GABRP: variants seen among roughly 807,000 people sequenced by gnomAD.
GABRP encodes gamma-aminobutyric acid type A receptor subunit pi.
In GABRP, 52 loss-of-function variants were observed where a neutral mutation model predicts 47.8. The observed-to-expected ratio is 1.09, with a 90% CI of 0.87 to 1.37. GABRP has a LOEUF of 1.37. Ranked by LOEUF, GABRP falls within the 40% of genes most tolerant of loss-of-function variation. GABRP has a pLI of 0.00. For missense variants in GABRP, 525 were observed against 542.8 expected (o/e 0.97, Z 0.33); for synonymous variants, 221 against 205.8 (o/e 1.07, Z -0.63).
chr5:170,809,707 T>C lies in GABRP; in HGVS notation c.972T>C (p.Tyr324=), dbSNP rs766860187. 1.9e-6 allele frequency: 3 copies of C among 1,611,952 alleles called. No homozygotes were observed. The highest frequency in any genetic ancestry group is 1.1e-5 in the South Asian group (1 of 90,562). ...FSFVFGALLE[Y]AVAHYSSLQQ... ...TTGTGTTTGGGGCCTTGCTAGAATATGCAGTTGCTCACTACAGTTCCTTAC... is the reference window on the plus strand; with the variant it reads ...TTGTGTTTGGGGCCTTGCTAGAATACGCAGTTGCTCACTACAGTTCCTTAC... The change falls in exon 9 of 10, where the codon TAT becomes TAC. Residue 324 remains tyrosine, a synonymous_variant. Coordinates refer to ENST00000265294, the MANE Select transcript of GABRP (RefSeq NM_014211.3).
intron 6 of GABRP, among the ~76,000 whole-genome samples, chr5:170,801,089 T>C (rs889648959): frequency 2.6e-5 from 4 of 152,220 alleles, no homozygotes; most frequent in African/African-American, 9.6e-5. Context: ...GTTTTTCCCA[T>C]CTTGCAGATA....
chr5:170,787,621 G>T (rs535034606), intron 1 of GABRP, among the ~76,000 whole-genome samples: 43 of 152,308 alleles, frequency 2.8e-4, no homozygotes, highest in African/African-American at 1.0e-3. Flanking sequence ...GTACCGGGGG[G>T]GAGGCAGCCA....
chr5:170,801,646 C>T (rs1257632058), intron 6 of GABRP, among the ~76,000 whole-genome samples: 1 of 152,148 alleles, frequency 6.6e-6, no homozygotes, highest in African/African-American at 2.4e-5. Flanking sequence ...GTCTGGATGG[C>T]TGGTTGGGTT....
At chr5:170,799,414 C>T (rs946867264) in intron 6 of GABRP, among the ~76,000 whole-genome samples, 3 of 152,198 alleles carry the variant, frequency 2.0e-5, no homozygotes, top group African/African-American at 4.8e-5. Context: ...AAAAGTGTTC[C>T]TATTTCTCCA....
chr5:170,812,238 G>T lies in GABRP; in HGVS notation c.1303G>T (p.Ala435Ser), dbSNP rs1400462524. ...TATGCTAGCCAATGTATTTTACTGG[G>T]CATACTACATGTATTTTTGAGTCAA... ...IFMLANVFYW[A>S]YYMYF The change falls in exon 10 of 10, where the codon GCA (alanine) becomes TCA (serine). Residue 435 changes from alanine to serine, a missense_variant. Coordinates refer to ENST00000265294, the MANE Select transcript of GABRP (RefSeq NM_014211.3). 1 of 1,611,594 alleles carries T rather than the reference G, an allele frequency of 6.2e-7. No homozygotes were observed. Among genetic ancestry groups the T allele is most frequent in the African/African-American group, 1.3e-5 (1 of 74,752 alleles).
Position 170,811,968 on chromosome 5 carries a change from G to A in GABRP, c.1033G>A (p.Glu345Lys), listed in dbSNP as rs750280533. ...GTCTATGAACTAGGGGACAACAAAG[G>A]AAGTAGAAGAAGTCAGTATTACTAA... ...MAAKDRGTTK[E>K]VEEVSITNII... The change falls in exon 10 of 10, where the codon GAA becomes AAA. Residue 345 changes from glutamate (E) to lysine (K), a missense_variant. By Grantham distance (56) the Glu-to-Lys change is moderately conservative. Coordinates refer to ENST00000265294, the MANE Select transcript of GABRP (RefSeq NM_014211.3). The A allele has an allele frequency of 6.2e-7, 1 of 1,613,464 alleles. No homozygotes were observed.
At position 170,795,339 on chromosome 5, in the gene GABRP, G is replaced by A; in HGVS notation, c.372G>A (p.Glu124=). ...FLWVPDTYIV[E]SKKSFLHEVT... is the part of the protein sequence containing the mutation. Reference sequence around the variant, plus strand: ...GGGTGCCAGATACTTACATTGTGGAGTCCAAGAAGTCCTTCCTCCATGAAG... The same window carrying A: ...GGGTGCCAGATACTTACATTGTGGAATCCAAGAAGTCCTTCCTCCATGAAG... The change falls in exon 5 of 10, where the codon GAG becomes GAA. Residue 124 remains glutamate (E), a synonymous_variant. Transcript: ENST00000265294. 1.2e-6 allele frequency: 2 copies of A among 1,614,076 alleles called. No homozygotes were observed.
At position 170,812,369 on chromosome 5, in the gene GABRP, G is replaced by A; in HGVS notation, c.*111G>A. On this transcript the variant is annotated 3_prime_UTR_variant, in exon 10 of 10. Coordinates refer to ENST00000265294, the MANE Select transcript of GABRP (RefSeq NM_014211.3). ...ACATCCAATGGTGCTACAAGTGACT[G>A]AAATAATATTTGAGTCTTTCTGCTC... The A allele has an allele frequency of 1.2e-6, 1 of 809,044 alleles. No homozygotes were observed. Among genetic ancestry groups the A allele is most frequent in the Non-Finnish European group, 2.0e-6 (1 of 506,562 alleles). 50.1% of individuals were successfully genotyped at this position (809,044 alleles called of 1,614,324 possible).
At chr5:170,788,054 T>G (rs948596920) in intron 1 of GABRP, 1 of 152,196 alleles carries the variant, frequency 6.6e-6, no homozygotes, top group Non-Finnish European at 1.5e-5. Context: ...GGGATAGATT[T>G]AAAACATAAT....
At chr5:170,788,715 A>G (rs1284332598) in intron 2 of GABRP, 47 bp downstream of exon 2, 2 of 1,584,336 alleles carry the variant, frequency 1.3e-6, no homozygotes, top group African/African-American at 1.4e-5. Flanking sequence ...GTTGCTTTGC[A>G]TTCGGGCATG....
chr5:170,789,348 A>T, intron 3 of GABRP, 101 bp downstream of exon 3: 1 of 682,894 alleles, frequency 1.5e-6, no homozygotes, highest in South Asian at 1.9e-5. Context: ...CCATTTTCTG[A>T]TCTGCAGCCT....
At chr5:170,811,100 A>G (rs919095409) in intron 9 of GABRP, among the ~76,000 whole-genome samples, 1 of 150,358 alleles carries the variant, frequency 6.7e-6, no homozygotes, top group African/African-American at 2.4e-5. Context: ...CATCTCCTTT[A>G]GTTCATCCAA....
At chr5:170,797,650 A>G in intron 6 of GABRP, 102 bp downstream of exon 6, 2 of 724,990 alleles carry the variant, frequency 2.8e-6, no homozygotes, top group Non-Finnish European at 2.5e-6. Context: ...TCTTTTCTTA[A>G]TGTTGATTCA....
chr5:170,802,464 A>G (rs1214189337), intron 6 of GABRP, among the ~76,000 whole-genome samples: 1 of 152,240 alleles, frequency 6.6e-6, no homozygotes. Flanking sequence ...CCAGAAAAAC[A>G]GATTAATTAT....
rs113606075 is a variant in GABRP, at chr5:170,787,425, C to T, written c.-42-1149C>T. On this transcript the variant is annotated intron_variant, in intron 1 of 9. Coordinates refer to ENST00000265294, the MANE Select transcript of GABRP (RefSeq NM_014211.3). ...GCTACCCCCTGCTCCCTCAGAGGGA[C>T]GCCTGACAGCAGCTCCTGAAGCTGA... 6.2e-3 allele frequency among the ~76,000 whole-genome samples: 951 copies of T among 152,318 alleles called. 9 individuals are homozygous for T. The highest frequency in any genetic ancestry group is 0.021 in the African/African-American group (878 of 41,570).
chr5:170,811,012 C>T (rs1286371448), intron 9 of GABRP, among the ~76,000 whole-genome samples: 3 of 151,568 alleles, frequency 2.0e-5, no homozygotes, highest in Non-Finnish European at 4.4e-5. Flanking sequence ...TCTAAAGACA[C>T]CAGAAAGCTC....
intron 6 of GABRP, among the ~76,000 whole-genome samples, chr5:170,801,115 A>G (rs1765578245): frequency 1.3e-5 from 2 of 152,196 alleles, no homozygotes; most frequent in Non-Finnish European, 2.9e-5. Flanking sequence ...ATTGAGGTTC[A>G]TTAGGATTTG....
At chr5:170,807,950 C>T (rs1765780317) in intron 7 of GABRP, among the ~76,000 whole-genome samples, 1 of 152,162 alleles carries the variant, frequency 6.6e-6, no homozygotes, top group African/African-American at 2.4e-5. Flanking sequence ...TACTGCTCAC[C>T]TCCCCATAAT....
chr5:170,785,955 G>A (rs959661686), intron 1 of GABRP, among the ~76,000 whole-genome samples: 2 of 152,180 alleles, frequency 1.3e-5, no homozygotes, highest in Admixed American at 1.3e-4. Flanking sequence ...AGAATCAAAT[G>A]ACCTTTTCTG....
Sources: allele counts gnomAD v4.1 joint callset (sites outside exome capture counted in the v4.1 genomes callset), GRCh38; gene constraint gnomAD v4.1.1; transcripts MANE v1.5; gene names NCBI Gene and HGNC (gene_info 2026-07-23, HGNC 2026-07-21).